Variants in KCNB2 observed in about 807,000 individuals in gnomAD.
KCNB2 encodes delayed rectifier potassium channel protein.
KCNB2 carries 15 observed loss-of-function variants against 61.5 expected under a neutral mutation model. That is an observed-to-expected ratio of 0.24 (90% confidence interval 0.16 to 0.38). The LOEUF is 0.38. Ranked by LOEUF, KCNB2 falls within the 10% of genes least tolerant of loss-of-function variation. The probability of loss-of-function intolerance (pLI) is 1.00; values close to 1 mark genes in which losing one functional copy is unlikely to be tolerated. For synonymous variants in KCNB2, 457 were observed against 446.0 expected (o/e 1.02, Z -0.31); for missense variants, 828 against 1,125.2 (o/e 0.74, Z 3.78).
At chr8:72,765,109 C>T (rs1252053406) in intron 2 of KCNB2, among the ~76,000 whole-genome samples, 3 of 152,092 alleles carry the variant, frequency 2.0e-5, no homozygotes, top group Non-Finnish European at 4.4e-5. Context: ...TTTCTGGATC[C>T]CAGTTGCCTG....
intron 2 of KCNB2, among the ~76,000 whole-genome samples, chr8:72,838,981 C>G (rs1809831417): frequency 6.6e-6 from 1 of 151,968 alleles, no homozygotes; most frequent in African/African-American, 2.4e-5. Context: ...AACTTATTTT[C>G]TGTTATTTTA....
At chr8:72,566,232 G>A (rs1285121369) in intron 1 of KCNB2, among the ~76,000 whole-genome samples, 1 of 152,194 alleles carries the variant, frequency 6.6e-6, no homozygotes, top group East Asian at 1.9e-4. Flanking sequence ...GCTTTAAAGT[G>A]CTGGTAGGAC....
In KCNB2 at chr8:72,936,730, G is replaced by A. The variant is rs1296882729; in HGVS notation, c.1375G>A (p.Ala459Thr). The change falls in exon 3 of 3, where the codon GCT (alanine) becomes ACT (threonine). Residue 459 changes from alanine (A) to threonine (T), a missense_variant. By Grantham distance (58) the Ala-to-Thr change is moderately conservative (BLOSUM62 0). Transcript: ENST00000523207. The surrounding 1 kb of genome is among the most constrained non-coding windows in gnomAD (Gnocchi z 5.6). ...IVSMNLKDAFARSMELIDVAV... is the reference protein window; with the variant it reads ...IVSMNLKDAFTRSMELIDVAV... Reference sequence around the variant, plus strand: ...TTCTATGAACTTAAAAGATGCCTTCGCTCGAAGTATGGAACTGATAGATGT... The same window carrying A: ...TTCTATGAACTTAAAAGATGCCTTCACTCGAAGTATGGAACTGATAGATGT... The A allele has an allele frequency of 4.3e-6, 7 of 1,614,156 alleles. No homozygotes were observed. The highest frequency in any genetic ancestry group is 4.5e-5 in the East Asian group (2 of 44,880).
chr8:72,549,638 G>A (rs894660095), intron 1 of KCNB2, among the ~76,000 whole-genome samples: 12 of 152,160 alleles, frequency 7.9e-5, no homozygotes, highest in African/African-American at 2.4e-4. Context: ...CATCCCTGCT[G>A]TCGTCATATT....
At chr8:72,786,215 T>A (rs1225000850) in intron 2 of KCNB2, among the ~76,000 whole-genome samples, 1 of 152,180 alleles carries the variant, frequency 6.6e-6, no homozygotes, top group Non-Finnish European at 1.5e-5. Context: ...TATTATTTAA[T>A]ATATGTGCAC....
At chr8:72,828,212 A>G (rs907105494) in intron 2 of KCNB2, among the ~76,000 whole-genome samples, 3 of 152,214 alleles carry the variant, frequency 2.0e-5, no homozygotes, top group Non-Finnish European at 2.9e-5. Flanking sequence ...TTAAATTACT[A>G]TAGTATATTG....
chr8:72,925,243 A>G (rs955134262), intron 2 of KCNB2, among the ~76,000 whole-genome samples: 3 of 152,222 alleles, frequency 2.0e-5, no homozygotes, highest in Non-Finnish European at 2.9e-5. Flanking sequence ...TAGGTGTCCA[A>G]GGAACAAAGC....
At chr8:72,682,036 T>C (rs1026650398) in intron 2 of KCNB2, among the ~76,000 whole-genome samples, 1 of 152,236 alleles carries the variant, frequency 6.6e-6, no homozygotes, top group African/African-American at 2.4e-5. Flanking sequence ...TCACAGACTG[T>C]AACAAGAAGG....
rs528581504 is a variant in KCNB2, at chr8:72,707,607, C to T, written c.579+139294C>T. On this transcript the variant is annotated intron_variant, in intron 2 of 2. Coordinates refer to ENST00000523207, the MANE Select transcript of KCNB2 (RefSeq NM_004770.3). ...AGGGGAGCATTCATCTCCACACATA[C>T]GGAAGTCCTGCCAACATTCAACACC... is the stretch of plus-strand genomic sequence containing the variant. Among the ~76,000 whole-genome samples, 31 of 152,284 alleles carry T rather than the reference C, an allele frequency of 2.0e-4. 1 individual carries two copies. Among genetic ancestry groups the T allele is most frequent in the South Asian group, 8.3e-4 (4 of 4,822 alleles).
At chr8:72,558,543 T>A (rs573765753) in intron 1 of KCNB2, among the ~76,000 whole-genome samples, 1 of 152,238 alleles carries the variant, frequency 6.6e-6, no homozygotes, top group Non-Finnish European at 1.5e-5. Context: ...CATATTGAAT[T>A]TGGGGAATGG....
chr8:72,890,771 T>G (rs1805884575), intron 2 of KCNB2, among the ~76,000 whole-genome samples: 1 of 152,200 alleles, frequency 6.6e-6, no homozygotes, highest in African/African-American at 2.4e-5. Context: ...AAGTCCATTA[T>G]GTTTCACTGG....
intron 2 of KCNB2, among the ~76,000 whole-genome samples, chr8:72,721,121 C>A (rs1807540651): frequency 6.6e-6 from 1 of 152,214 alleles, no homozygotes; most frequent in Admixed American, 6.5e-5. Flanking sequence ...TAAAGATACA[C>A]TAAAAAAACT....
intron 2 of KCNB2, among the ~76,000 whole-genome samples, chr8:72,922,297 C>T (rs1280865604): frequency 1.3e-5 from 2 of 152,094 alleles, no homozygotes; most frequent in Non-Finnish European, 2.9e-5. Context: ...AATATGACCT[C>T]ATCATAACTA....
At chr8:72,861,857 G>A (rs992061519) in intron 2 of KCNB2, among the ~76,000 whole-genome samples, 1 of 152,074 alleles carries the variant, frequency 6.6e-6, no homozygotes, top group Non-Finnish European at 1.5e-5. Flanking sequence ...GTCTCCTGTG[G>A]CCAAAGACTT....
chr8:72,586,435 T>C (rs1235193958), intron 2 of KCNB2, among the ~76,000 whole-genome samples: 1 of 152,138 alleles, frequency 6.6e-6, no homozygotes, highest in South Asian at 2.1e-4. Flanking sequence ...TTGAAACAAA[T>C]GTGTTCAACG....
intron 2 of KCNB2, among the ~76,000 whole-genome samples, chr8:72,840,101 C>T (rs1809855266): frequency 6.6e-6 from 1 of 152,128 alleles, no homozygotes; most frequent in Non-Finnish European, 1.5e-5. Context: ...TGATGTTCCC[C>T]TCCCTGTGTC....
intron 2 of KCNB2, among the ~76,000 whole-genome samples, chr8:72,687,431 A>G (rs1806869921): frequency 6.6e-6 from 1 of 152,146 alleles, no homozygotes; most frequent in Non-Finnish European, 1.5e-5. Flanking sequence ...TGGACCTGTC[A>G]TCCTTCTCCC....
At chr8:72,718,590 C>A (rs1369700812) in intron 2 of KCNB2, among the ~76,000 whole-genome samples, 6 of 147,320 alleles carry the variant, frequency 4.1e-5, no homozygotes, top group South Asian at 2.1e-4. Context: ...CGCATGTTCT[C>A]ACTCATAGGT....
chr8:72,572,537 C>A (rs956096075), intron 2 of KCNB2, among the ~76,000 whole-genome samples: 3 of 151,810 alleles, frequency 2.0e-5, no homozygotes, highest in African/African-American at 7.3e-5. Flanking sequence ...CCACTCCTCT[C>A]CCCGCTCCTC....
Sources: gnomAD v4.1 joint callset for allele counts (sites outside exome capture counted in the v4.1 genomes callset) on GRCh38, gnomAD v4.1.1 for gene constraint, Gnocchi (gnomAD v3.1) non-coding constraint, MANE v1.5 for transcripts, NCBI Gene and HGNC (gene_info 2026-07-23, HGNC 2026-07-21) for gene names.